The following UBE2E2 variants were observed in gnomAD, a reference collection of about 807,000 sequenced individuals.
The protein encoded by UBE2E2 is ubiquitin conjugating enzyme E2 E2, also known as ubiquitin-conjugating enzyme E2 E2.
Under a neutral mutation model 24.7 loss-of-function variants are expected in UBE2E2, and 6 were observed. The observed-to-expected ratio is 0.24, with a 90% CI of 0.13 to 0.48. UBE2E2 has a LOEUF of 0.48. Ranked by LOEUF, UBE2E2 falls within the 20% of genes least tolerant of loss-of-function variation. The probability of loss-of-function intolerance (pLI) is 0.99; values close to 1 mark genes in which losing one functional copy is unlikely to be tolerated. For synonymous variants in UBE2E2, 104 were observed against 83.6 expected (o/e 1.24, Z -1.33); for missense variants, 169 against 245.0 (o/e 0.69, Z 2.07).
chr3:23,545,474 CAT>C (rs1354612096), intron 5 of UBE2E2, among the ~76,000 whole-genome samples: 1 of 152,188 alleles, frequency 6.6e-6, no homozygotes, highest in African/African-American at 2.4e-5. Context: ...TGACACAGCA[CAT>C]GTTTCAGAGA....
intron 4 of UBE2E2, among the ~76,000 whole-genome samples, chr3:23,529,865 T>C (rs1374695745): frequency 2.0e-5 from 3 of 152,238 alleles, no homozygotes; most frequent in African/African-American, 7.2e-5. Context: ...TTTTACTACC[T>C]TCCTGAGTTG....
Position 23,468,744 on chromosome 3 carries a change from T to A in UBE2E2, c.228-30864T>A, listed in dbSNP as rs1235665788. Among the ~76,000 whole-genome samples, 3 of 152,192 alleles carry A rather than the reference T, an allele frequency of 2.0e-5. No individual in the cohort carries two copies. The East Asian group carries it at 5.8e-4, about 29-fold the overall frequency. Reference sequence around the variant, plus strand: ...CAGACTTGGACTCTGAAGATTGAAATCTTGGCTCTGGAACTAAATAACTGC... The same window carrying A: ...CAGACTTGGACTCTGAAGATTGAAAACTTGGCTCTGGAACTAAATAACTGC... On this transcript the variant is annotated intron_variant, in intron 3 of 5. Coordinates refer to ENST00000396703, the MANE Select transcript of UBE2E2 (RefSeq NM_152653.4).
intron 3 of UBE2E2, among the ~76,000 whole-genome samples, chr3:23,396,961 A>G (rs114916532): frequency 8.9e-4 from 136 of 152,250 alleles, no homozygotes; most frequent in Non-Finnish European, 1.6e-3. Context: ...TTAAGTAGAG[A>G]CTTGTGCAAT....
chr3:23,586,752 C>G (rs1280477394), intron 5 of UBE2E2, among the ~76,000 whole-genome samples: 1 of 151,822 alleles, frequency 6.6e-6, no homozygotes, highest in East Asian at 1.9e-4. Context: ...TGGAGAGTAC[C>G]CAAACATCTA....
At chr3:23,534,045 C>G (rs549207736) in intron 5 of UBE2E2, 3 of 246,994 alleles carry the variant, frequency 1.2e-5, no homozygotes, top group East Asian at 1.8e-4. Context: ...TCTTTCAGTC[C>G]TGTTGTTCCC....
intron 3 of UBE2E2, among the ~76,000 whole-genome samples, chr3:23,492,017 T>C (rs1201574730): frequency 6.6e-6 from 1 of 152,088 alleles, no homozygotes; most frequent in Non-Finnish European, 1.5e-5. Flanking sequence ...AACAGTTTGG[T>C]AGGTGATTGT....
At chr3:23,240,048 C>G (rs1697217090) in intron 3 of UBE2E2, among the ~76,000 whole-genome samples, 1 of 152,132 alleles carries the variant, frequency 6.6e-6, no homozygotes, top group South Asian at 2.1e-4. Context: ...ATAAAGGAGC[C>G]TGGTTAAAGT....
intron 3 of UBE2E2, among the ~76,000 whole-genome samples, chr3:23,374,186 G>A (rs950815034): frequency 1.1e-4 from 17 of 151,982 alleles, no homozygotes; most frequent in African/African-American, 2.7e-4. Flanking sequence ...TAAATTTGTC[G>A]TATTCCCAGC....
intron 3 of UBE2E2, among the ~76,000 whole-genome samples, chr3:23,381,550 A>G (rs1696671597): frequency 6.6e-6 from 1 of 152,128 alleles, no homozygotes; most frequent in South Asian, 2.1e-4. Flanking sequence ...CCGCATTATT[A>G]CTCTGCTGGA....
At chr3:23,301,528 G>A (rs1699092207) in intron 3 of UBE2E2, among the ~76,000 whole-genome samples, 1 of 152,208 alleles carries the variant, frequency 6.6e-6, no homozygotes. Flanking sequence ...CAGGTCTGTT[G>A]GAGTTTGCTA....
chr3:23,378,236 TAA>T (rs56808350), intron 3 of UBE2E2, among the ~76,000 whole-genome samples: 6 of 118,072 alleles, frequency 5.1e-5, no homozygotes, highest in Admixed American at 1.7e-4. Flanking sequence ...AAATAAGCAG[TAA>T]AAAAAAAAAA....
intron 3 of UBE2E2, among the ~76,000 whole-genome samples, chr3:23,439,773 A>G (rs1403068924): frequency 6.6e-6 from 1 of 152,126 alleles, no homozygotes; most frequent in Non-Finnish European, 1.5e-5. Flanking sequence ...GCGAAAACGC[A>G]TTGTATTTCT....
intron 3 of UBE2E2, among the ~76,000 whole-genome samples, chr3:23,408,851 C>G (rs1169033881): frequency 6.6e-6 from 1 of 152,076 alleles, no homozygotes; most frequent in African/African-American, 2.4e-5. Flanking sequence ...TTTGCCTTAC[C>G]TTGATTTAGT....
In UBE2E2 at chr3:23,262,228, C is replaced by T. The variant is rs573293307; in HGVS notation, c.227+44916C>T. 1.7e-3 allele frequency among the ~76,000 whole-genome samples: 256 copies of T among 152,136 alleles called. 2 individuals are homozygous for T. The highest frequency in any genetic ancestry group is 3.2e-3 in the Non-Finnish European group (217 of 67,988). On this transcript the variant is annotated intron_variant, in intron 3 of 5. Coordinates refer to ENST00000396703, the MANE Select transcript of UBE2E2 (RefSeq NM_152653.4). ...TAATGTTGAACATTTTTTTCATGTA[C>T]GTGTTGGCCATTTGTATTTCTTTTT... is the stretch of plus-strand genomic sequence containing the variant.
chr3:23,487,191 C>T (rs765210353), intron 3 of UBE2E2, among the ~76,000 whole-genome samples: 5 of 152,172 alleles, frequency 3.3e-5, no homozygotes, highest in Non-Finnish European at 7.4e-5. Flanking sequence ...CCAGCTCGGT[C>T]GCAGCAGTGC....
chr3:23,358,529 G>A (rs2125328954), intron 3 of UBE2E2, among the ~76,000 whole-genome samples: 1 of 152,100 alleles, frequency 6.6e-6, no homozygotes. Flanking sequence ...AAGTACGTTT[G>A]CAAAAAACTG....
chr3:23,489,169 A>G (rs1385433135), intron 3 of UBE2E2, among the ~76,000 whole-genome samples: 1 of 152,184 alleles, frequency 6.6e-6, no homozygotes. Context: ...AACAGACGGC[A>G]TGGGTCGGGG....
intron 3 of UBE2E2, among the ~76,000 whole-genome samples, chr3:23,473,483 A>C (rs745570066): frequency 6.6e-6 from 1 of 151,958 alleles, no homozygotes; most frequent in Non-Finnish European, 1.5e-5. Flanking sequence ...ATTTGGTTAC[A>C]TGAGTAAGTT....
intron 3 of UBE2E2, among the ~76,000 whole-genome samples, chr3:23,480,507 G>C (rs1040266800): frequency 3.9e-5 from 6 of 152,092 alleles, no homozygotes; most frequent in Non-Finnish European, 7.4e-5. Context: ...CCTGATCCCA[G>C]CCCCGACCGG....
Sources: allele counts gnomAD v4.1 joint callset (sites outside exome capture counted in the v4.1 genomes callset), GRCh38; gene constraint gnomAD v4.1.1; transcripts MANE v1.5; gene names NCBI Gene and HGNC (gene_info 2026-07-23, HGNC 2026-07-21).